The following EEFSEC variants were observed in gnomAD, a reference collection of about 807,000 sequenced individuals.
EEFSEC encodes eukaryotic elongation factor, selenocysteine-tRNA specific, also known as selenocysteine-specific elongation factor.
EEFSEC carries 43 observed loss-of-function variants against 42.1 expected under a neutral mutation model. The ratio of observed to expected loss-of-function variants is 1.02; its 90% CI spans 0.80 to 1.32. The LOEUF is 1.32. Ranked by LOEUF, EEFSEC falls within the 40% of genes most tolerant of loss-of-function variation. The pLI is 0.00. For missense variants in EEFSEC, 745 were observed against 803.6 expected (o/e 0.93, Z 0.88); for synonymous variants, 354 against 339.1 (o/e 1.04, Z -0.48).
intron 4 of EEFSEC, among the ~76,000 whole-genome samples, chr3:128,283,312 G>A (rs765129875): frequency 5.3e-5 from 8 of 152,186 alleles, no homozygotes; most frequent in Non-Finnish European, 1.0e-4. Context: ...ATGTTCGTTC[G>A]TTTGATTATT....
chr3:128,395,546 G>A lies in EEFSEC; in HGVS notation c.1601-12523G>A, dbSNP rs2067971274. Among the ~76,000 whole-genome samples, 3 of 152,330 alleles carry A rather than the reference G, an allele frequency of 2.0e-5. No individual in the cohort carries two copies. In the South Asian group the frequency reaches 6.2e-4, roughly 32 times the overall value. ...TCTCCCTCTATCTCAAGATGCCTGTGAGAGAACAAAAAGAGGAGAAAACTA... is the reference window on the plus strand; with the variant it reads ...TCTCCCTCTATCTCAAGATGCCTGTAAGAGAACAAAAAGAGGAGAAAACTA... On this transcript the variant is annotated intron_variant, in intron 6 of 6. Transcript: ENST00000254730.
intron 6 of EEFSEC, among the ~76,000 whole-genome samples, chr3:128,394,841 G>A (rs886422744): frequency 6.6e-6 from 1 of 152,228 alleles, no homozygotes; most frequent in Admixed American, 6.5e-5. Context: ...GGGGAGCAGA[G>A]GACAGCCTGA....
intron 6 of EEFSEC, among the ~76,000 whole-genome samples, chr3:128,405,695 G>A (rs970687533): frequency 1.1e-4 from 16 of 152,254 alleles, no homozygotes; most frequent in Admixed American, 4.6e-4. Context: ...TTTCAGGGAC[G>A]AAGCTAGTAC....
chr3:128,236,890 C>T (rs1408834954), intron 1 of EEFSEC, among the ~76,000 whole-genome samples: 2 of 152,256 alleles, frequency 1.3e-5, no homozygotes, highest in Non-Finnish European at 2.9e-5. Flanking sequence ...TCTGACCCTA[C>T]TGTGAAATTC....
At position 128,264,775 on chromosome 3, in the gene EEFSEC, C is replaced by T. The variant is rs748709387; in HGVS notation, c.780C>T (p.Ala260=). The T allele has an allele frequency of 1.9e-6, 3 of 1,613,704 alleles. No individual in the cohort carries two copies. Among genetic ancestry groups the T allele is most frequent in the African/African-American group, 2.7e-5 (2 of 74,898 alleles). Residue 260 remains alanine (A), a synonymous_variant, in exon 4 of 7, where the codon GCC becomes GCT. Coordinates refer to ENST00000254730, the MANE Select transcript of EEFSEC (RefSeq NM_021937.5). ...TCGGTGACAGTGTGGAGATCCCTGC[C>T]CTCAAGGTCAGTCTTACCTTGTCTT... ...ISLGDSVEIP[A]LKVVKKVKSM...
At chr3:128,377,203 A>G (rs1411473466) in intron 6 of EEFSEC, among the ~76,000 whole-genome samples, 2 of 152,166 alleles carry the variant, frequency 1.3e-5, no homozygotes, top group Non-Finnish European at 2.9e-5. Context: ...TAATTGAGAT[A>G]TGGTGTATAC....
At chr3:128,371,939 G>T (rs1228479041) in intron 6 of EEFSEC, among the ~76,000 whole-genome samples, 1 of 152,198 alleles carries the variant, frequency 6.6e-6, no homozygotes, top group Non-Finnish European at 1.5e-5. Flanking sequence ...GCCTTGAGAG[G>T]AGGGAGGCTC....
chr3:128,307,474 G>GT (rs1206251923), intron 4 of EEFSEC, among the ~76,000 whole-genome samples: 1 of 152,194 alleles, frequency 6.6e-6, no homozygotes. Context: ...CTTCCTGGAA[G>GT]TTAAGGCCTG....
intron 4 of EEFSEC, among the ~76,000 whole-genome samples, chr3:128,281,504 A>G (rs1325409289): frequency 3.3e-5 from 5 of 152,162 alleles, no homozygotes; most frequent in Admixed American, 6.5e-5. Context: ...GATGGGGTGG[A>G]TGAGGATGTG....
intron 1 of EEFSEC, among the ~76,000 whole-genome samples, chr3:128,188,132 G>T (rs1370872564): frequency 6.6e-6 from 1 of 152,158 alleles, no homozygotes; most frequent in African/African-American, 2.4e-5. Context: ...CATTTTGGAG[G>T]GCAGTGCCAG....
At chr3:128,409,967 T>C (rs1349381372), downstream of EEFSEC, among the ~76,000 whole-genome samples, 1 of 152,194 alleles carries the variant, frequency 6.6e-6, no homozygotes, top group Non-Finnish European at 1.5e-5. Flanking sequence ...GGCTCCCTGC[T>C]AGCCTGCTGG....
At chr3:128,336,571 G>A (rs751957044) in intron 4 of EEFSEC, among the ~76,000 whole-genome samples, 1 of 152,126 alleles carries the variant, frequency 6.6e-6, no homozygotes, top group Non-Finnish European at 1.5e-5. Context: ...GTTCCACTGG[G>A]GGCCTGGTTC....
chr3:128,277,939 G>T (rs1296345209), intron 4 of EEFSEC, among the ~76,000 whole-genome samples: 1 of 152,206 alleles, frequency 6.6e-6, no homozygotes, highest in African/African-American at 2.4e-5. Context: ...GCCCCATGGT[G>T]GGAGAGAGCC....
At chr3:128,397,542 A>T (rs1476365235) in intron 6 of EEFSEC, among the ~76,000 whole-genome samples, 1 of 152,198 alleles carries the variant, frequency 6.6e-6, no homozygotes, top group African/African-American at 2.4e-5. Context: ...GCCAAGCCGC[A>T]TCCCAGCTGC....
intron 4 of EEFSEC, among the ~76,000 whole-genome samples, chr3:128,288,813 G>C (rs2066613128): frequency 6.6e-6 from 1 of 152,248 alleles, no homozygotes. Flanking sequence ...GACTGGGCCA[G>C]TGAAGACAGC....
chr3:128,231,014 C>T (rs894361554), intron 1 of EEFSEC, among the ~76,000 whole-genome samples: 1 of 152,188 alleles, frequency 6.6e-6, no homozygotes, highest in Non-Finnish European at 1.5e-5. Context: ...GCATTGGCTC[C>T]TGGCTCCACC....
At chr3:128,153,904 T>C (rs1186061679) in intron 1 of EEFSEC, 81 bp downstream of exon 1, 2 of 1,418,176 alleles carry the variant, frequency 1.4e-6, no homozygotes, top group Non-Finnish European at 1.8e-6. Flanking sequence ...CGCTCGAGCC[T>C]TTGCCGGGAC....
rs2068147127 is a variant in EEFSEC, at chr3:128,408,333, C to T, written c.*74C>T. Reference sequence around the variant, plus strand: ...TGCTGTGCCAAATCCCAACCAGCCACGCCTCAGCCTCTCCCAGTCTCTCCC... The same window carrying T: ...TGCTGTGCCAAATCCCAACCAGCCATGCCTCAGCCTCTCCCAGTCTCTCCC... On this transcript the variant is annotated 3_prime_UTR_variant, in exon 7 of 7. Coordinates refer to ENST00000254730, the MANE Select transcript of EEFSEC (RefSeq NM_021937.5). 25 of 1,425,234 alleles carry T rather than the reference C, an allele frequency of 1.8e-5. No individual in the cohort carries two copies. The highest frequency in any genetic ancestry group is 1.9e-4 in the Middle Eastern group (1 of 5,252). 88.3% of individuals were successfully genotyped at this position (1,425,234 alleles called of 1,614,324 possible).
rs183080030 is a variant in EEFSEC at position 128,260,938 on chromosome 3, A to G, written c.525-1190A>G. 1.4e-4 allele frequency among the ~76,000 whole-genome samples: 21 copies of G among 145,404 alleles called. No individual in the cohort carries two copies. In the East Asian group the frequency reaches 2.8e-3, roughly 20 times the overall value. On this transcript the variant is annotated intron_variant, in intron 2 of 6. Coordinates refer to ENST00000254730, the MANE Select transcript of EEFSEC (RefSeq NM_021937.5). ...AGTGAGTATTCACTCTTAGATGTGTACCCCACGAATTCATCCCACAGCCAA... is the reference window on the plus strand; with the variant it reads ...AGTGAGTATTCACTCTTAGATGTGTGCCCCACGAATTCATCCCACAGCCAA...
Sources: allele counts gnomAD v4.1 joint callset (sites outside exome capture counted in the v4.1 genomes callset), GRCh38; gene constraint gnomAD v4.1.1; transcripts MANE v1.5; gene names NCBI Gene and HGNC (gene_info 2026-07-23, HGNC 2026-07-21).